Variants in TPCN1 observed in about 807,000 individuals in gnomAD.
TPCN1 encodes the protein two pore channel protein 1.
In TPCN1, 52 loss-of-function variants were observed where a neutral mutation model predicts 108.8. That is an observed-to-expected ratio of 0.48 (90% confidence interval 0.38 to 0.60). The LOEUF (loss-of-function observed/expected upper bound fraction) is 0.60, where lower values mean the gene tolerates loss of function less well. Ranked by LOEUF, TPCN1 falls within the 20% of genes least tolerant of loss-of-function variation. TPCN1 has a pLI of 0.00. For missense variants in TPCN1, 806 were observed against 1,072.8 expected (o/e 0.75, Z 3.47); for synonymous variants, 446 against 433.7 (o/e 1.03, Z -0.35).
chr12:113,296,289 GGC>G lies in TPCN1; in HGVS notation c.*214_*215del. The stretch of plus-strand genomic sequence containing the variant: ...CCAGTTTGGTGAGGGGTGGGGGTGC[GGC>G]CACCAGGTCTGAGCTCTTCCTACTG... On this transcript the variant is annotated 3_prime_UTR_variant, in exon 28 of 28. Coordinates refer to ENST00000335509, the MANE Select transcript of TPCN1 (RefSeq NM_017901.6). 3 of 668,778 alleles carry G rather than the reference GGC, an allele frequency of 4.5e-6. No individual in the cohort carries two copies. Among genetic ancestry groups the G allele is most frequent in the Non-Finnish European group, 7.2e-6 (3 of 415,872 alleles). 41.4% of individuals were successfully genotyped at this position (668,778 alleles called of 1,614,324 possible).
At chr12:113,292,299 G>C in intron 25 of TPCN1, 1 of 317,216 alleles carries the variant, frequency 3.2e-6, no homozygotes. Flanking sequence ...TCTTCTGTTA[G>C]TCATCTCCAC....
chr12:113,291,128 G>A, intron 23 of TPCN1, 130 bp downstream of exon 23: 1 of 901,174 alleles, frequency 1.1e-6, no homozygotes, highest in Admixed American at 1.9e-5. Flanking sequence ...ATGCTGTGTT[G>A]GTGTTCAGTG....
chr12:113,253,891 C>G (rs1954737842), intron 2 of TPCN1, among the ~76,000 whole-genome samples: 1 of 152,222 alleles, frequency 6.6e-6, no homozygotes, highest in South Asian at 2.1e-4. Context: ...TTTTGGCATA[C>G]AGTAAACCTC....
At position 113,243,317 on chromosome 12, in the gene TPCN1, C is replaced by T. The variant is rs577340376; in HGVS notation, c.112+16353C>T. On this transcript the variant is annotated intron_variant, in intron 2 of 27. Transcript: ENST00000335509. ...CCCGGGAGATGGAGGTTGCAGTGAG[C>T]CAAGATCGTGCCATTGCACTTTAGC... 3.9e-5 allele frequency among the ~76,000 whole-genome samples: 6 copies of T among 152,122 alleles called. No homozygotes were observed. The South Asian group carries it at 1.2e-3, about 32-fold the overall frequency.
intron 2 of TPCN1, among the ~76,000 whole-genome samples, chr12:113,252,498 C>T (rs546621467): frequency 9.2e-5 from 14 of 152,304 alleles, no homozygotes; most frequent in Admixed American, 5.2e-4. Context: ...GGGGTCTTCA[C>T]GGCAGCCGCT....
At position 113,269,617 on chromosome 12, in the gene TPCN1, A is replaced by C; in HGVS notation, c.660-140A>C. The C allele has an allele frequency of 1.4e-6, 1 of 724,570 alleles. No individual in the cohort carries two copies. Among genetic ancestry groups the C allele is most frequent in the East Asian group, 2.6e-5 (1 of 38,084 alleles). The allele number at this position is 724,570 out of a possible 1,614,324, so 44.9% of individuals were successfully genotyped here. On this transcript the variant is annotated intron_variant, in intron 6 of 27. Transcript: ENST00000335509. The surrounding 1 kb of genome is among the most constrained non-coding windows in gnomAD (Gnocchi z 5.0). ...GGGTCTCAAGCCACTTTAGGAAAAA[A>C]TGAAGCATGATGTCACACCAGAGTG... is the stretch of plus-strand genomic sequence containing the variant.
At position 113,296,278 on chromosome 12, in the gene TPCN1, G is replaced by A. The variant is rs916042974; in HGVS notation, c.*202G>A. The A allele has an allele frequency of 1.1e-5, 9 of 799,622 alleles. 1 individual carries two copies. Among genetic ancestry groups the A allele is most frequent in the Admixed American group, 2.9e-5 (1 of 34,050 alleles). The allele number at this position is 799,622 out of a possible 1,614,324, so 49.5% of individuals were successfully genotyped here. A position where few individuals can be genotyped will look rare whatever the true frequency, so the allele number is the denominator to read the frequency against. On this transcript the variant is annotated 3_prime_UTR_variant, in exon 28 of 28. Coordinates refer to ENST00000335509, the MANE Select transcript of TPCN1 (RefSeq NM_017901.6). ...AACTCCAGAAGCCAGTTTGGTGAGG[G>A]GTGGGGGTGCGGCCACCAGGTCTGA...
chr12:113,223,444 T>TTTTTTTTTTTTA (rs1953342728), intron 1 of TPCN1, among the ~76,000 whole-genome samples: 1 of 151,946 alleles, frequency 6.6e-6, no homozygotes, highest in African/African-American at 2.4e-5. Flanking sequence ...TCTTTTTTTT[T>TTTTTTTTTTTTA]TTTTTTTTGG....
At position 113,288,245 on chromosome 12, in the gene TPCN1, C is replaced by A; in HGVS notation, c.1706+11C>A. On this transcript the variant is annotated intron_variant, in intron 20 of 27. Coordinates refer to ENST00000335509, the MANE Select transcript of TPCN1 (RefSeq NM_017901.6). The surrounding 1 kb of genome is among the most constrained non-coding windows in gnomAD (Gnocchi z 4.8). Reference sequence around the variant, plus strand: ...GCCCCGGATGGCCAGGTACTGCCAGCCCCCACCCTGGCCTGCAGGTCCAGG... The same window carrying A: ...GCCCCGGATGGCCAGGTACTGCCAGACCCCACCCTGGCCTGCAGGTCCAGG... 2 of 1,613,602 alleles carry A rather than the reference C, an allele frequency of 1.2e-6. No homozygotes were observed. Among genetic ancestry groups the A allele is most frequent in the Non-Finnish European group, 1.7e-6 (2 of 1,179,902 alleles).
rs1209514397 is a variant in TPCN1 at position 113,280,154 on chromosome 12, T to C, written c.1301T>C (p.Ile434Thr). ...PRTALLIFKG[I>T]NILVKSKAFQ... ...AACTTGTCTTTTCTTCAAATAGGTA[T>C]TAATATCCTTGTGAAGTCCAAGGCC... Residue 434 changes from isoleucine to threonine, a missense_variant, in exon 15 of 28, where the codon ATT becomes ACT. Physicochemically the swap from Ile to Thr is moderately conservative, Grantham distance 89 (BLOSUM62 -1). Coordinates refer to ENST00000335509, the MANE Select transcript of TPCN1 (RefSeq NM_017901.6). The C allele has an allele frequency of 6.2e-7, 1 of 1,605,880 alleles. No individual in the cohort carries two copies. Among genetic ancestry groups the C allele is most frequent in the Non-Finnish European group, 8.5e-7 (1 of 1,172,922 alleles).
intron 2 of TPCN1, among the ~76,000 whole-genome samples, chr12:113,256,652 A>C (rs1425538120): frequency 1.3e-5 from 2 of 152,132 alleles, no homozygotes; most frequent in Non-Finnish European, 2.9e-5. Flanking sequence ...CCTCCTAGGC[A>C]CTGGGACTAC....
Position 113,290,947 on chromosome 12 carries a change from G to T in TPCN1, c.1913-5G>T, listed in dbSNP as rs760629047. On this transcript the variant is annotated splice_polypyrimidine_tract_variant and splice_region_variant and intron_variant, in intron 22 of 27. Coordinates refer to ENST00000335509, the MANE Select transcript of TPCN1 (RefSeq NM_017901.6). ...AGGATGCTTCTTTCTCTCTTCCCTC[G>T]GCAGTGACCCTGTTTGAGCTCACAG... 28 of 1,613,534 alleles carry T rather than the reference G, an allele frequency of 1.7e-5. No homozygotes were observed. Among genetic ancestry groups the T allele is most frequent in the Middle Eastern group, 1.6e-4 (1 of 6,084 alleles).
rs1956187457 is a variant in TPCN1 at position 113,289,164 on chromosome 12, T to C, written c.1796+317T>C. Reference sequence around the variant, plus strand: ...GCTTCCTCCCACTTCTCTCCTGGAGTGGCTGGGGACCTGGGCCAAGACCAG... The same window carrying C: ...GCTTCCTCCCACTTCTCTCCTGGAGCGGCTGGGGACCTGGGCCAAGACCAG... On this transcript the variant is annotated intron_variant, in intron 21 of 27. Coordinates refer to ENST00000335509, the MANE Select transcript of TPCN1 (RefSeq NM_017901.6). The surrounding 1 kb of genome is among the most constrained non-coding windows in gnomAD (Gnocchi z 4.1). Among the ~76,000 whole-genome samples, 1 of 152,058 alleles carries C rather than the reference T, an allele frequency of 6.6e-6. No individual in the cohort carries two copies. The highest frequency in any genetic ancestry group is 2.1e-4 in the South Asian group (1 of 4,830).
In TPCN1 at chr12:113,294,567, C is replaced by T. The variant is rs144713745; in HGVS notation, c.2334+1218C>T. 4.6e-3 allele frequency among the ~76,000 whole-genome samples: 692 copies of T among 149,948 alleles called. 4 individuals carry two copies. Among genetic ancestry groups the T allele is most frequent in the South Asian group, 0.022 (106 of 4,772 alleles). On this transcript the variant is annotated intron_variant, in intron 27 of 27. Coordinates refer to ENST00000335509, the MANE Select transcript of TPCN1 (RefSeq NM_017901.6). ...ACTTGACTCCAGGAGGCAGAGGTTG[C>T]AGTGAGCCAAGATCATGCCACTGCA...
At chr12:113,261,675 G>A (rs991664539) in intron 3 of TPCN1, among the ~76,000 whole-genome samples, 7 of 151,852 alleles carry the variant, frequency 4.6e-5, no homozygotes, top group Admixed American at 3.9e-4. Flanking sequence ...GTGATCCGCC[G>A]ACCTCAGCCT....
intron 14 of TPCN1, 118 bp from the exon 15 acceptor site, chr12:113,280,033 T>C: frequency 1.4e-6 from 1 of 734,748 alleles, no homozygotes; most frequent in Non-Finnish European, 2.4e-6. Flanking sequence ...CTTACCTGCA[T>C]GCACGAAGAG....
Position 113,226,466 on chromosome 12 carries a change from G to C in TPCN1, c.-125-262G>C, listed in dbSNP as rs564291458. On this transcript the variant is annotated intron_variant, in intron 1 of 27. Coordinates refer to ENST00000335509, the MANE Select transcript of TPCN1 (RefSeq NM_017901.6). ...CAGCTAATTTTCTGTATTTTTAGTA[G>C]AGATGGGGTTTTGCTATGTTGGCCA... 2.6e-5 allele frequency among the ~76,000 whole-genome samples: 4 copies of C among 152,134 alleles called. No homozygotes were observed. In the South Asian group the frequency reaches 8.3e-4, roughly 32 times the overall value.
chr12:113,257,911 G>A (rs796444191), intron 2 of TPCN1, among the ~76,000 whole-genome samples: 10 of 152,110 alleles, frequency 6.6e-5, no homozygotes, highest in African/African-American at 2.4e-4. Context: ...ACTACATACT[G>A]TATTATTCCA....
At chr12:113,236,722 C>T (rs756198716) in intron 2 of TPCN1, among the ~76,000 whole-genome samples, 4 of 152,122 alleles carry the variant, frequency 2.6e-5, no homozygotes, top group East Asian at 1.9e-4. Context: ...TGGTTACATG[C>T]ACTCTGGGGT....
Sources: allele counts gnomAD v4.1 joint callset (sites outside exome capture counted in the v4.1 genomes callset), GRCh38; gene constraint gnomAD v4.1.1; non-coding constraint Gnocchi (gnomAD v3.1); transcripts MANE v1.5; gene names NCBI Gene and HGNC (gene_info 2026-07-23, HGNC 2026-07-21).